UNC13C: variants seen among roughly 807,000 people sequenced by gnomAD.
UNC13C encodes the protein protein unc-13 homolog C.
UNC13C carries 174 observed loss-of-function variants against 245.4 expected under a neutral mutation model. That is an observed-to-expected ratio of 0.71 (90% CI 0.63 to 0.80). The LOEUF (loss-of-function observed/expected upper bound fraction) is 0.80, where lower values mean the gene tolerates loss of function less well. Among genes scored for constraint, UNC13C ranks in the 30% least tolerant of loss-of-function variants. The probability of loss-of-function intolerance (pLI) is 0.00; values close to 1 mark genes in which losing one functional copy is unlikely to be tolerated. For missense variants in UNC13C, 2,829 were observed against 2,602.9 expected (o/e 1.09, Z -1.89); for synonymous variants, 992 against 895.1 (o/e 1.11, Z -1.93).
At chr15:53,904,042 C>G in the UNC13C span, among the ~76,000 whole-genome samples, 91 of 152,142 alleles carry the variant, frequency 6.0e-4, no homozygotes, top group African/African-American at 2.2e-3. Flanking sequence ...TCACACACAC[C>G]TAATAATTTT....
rs553697431 is a variant in UNC13C at position 54,213,239 on chromosome 15, C to T, written c.3072-21791C>T. ...TATAAATATATATAATTATTATTTGCCACTTTAAAACTTTTAAAAATGAAA... is the reference window on the plus strand; with the variant it reads ...TATAAATATATATAATTATTATTTGTCACTTTAAAACTTTTAAAAATGAAA... On this transcript the variant is annotated intron_variant, in intron 4 of 32. Transcript: ENST00000260323. 1.5e-3 allele frequency among the ~76,000 whole-genome samples: 232 copies of T among 151,860 alleles called. 5 individuals are homozygous for T. The highest frequency in any genetic ancestry group is 0.014 in the Admixed American group (216 of 15,184).
At chr15:54,052,300 T>A in intron 2 of UNC13C, among the ~76,000 whole-genome samples, 1 of 139,894 alleles carries the variant, frequency 7.1e-6, no homozygotes, top group Non-Finnish European at 1.5e-5. Context: ...CTGGGTCAAA[T>A]GGTATTTGTA....
intron 1 of UNC13C, among the ~76,000 whole-genome samples, chr15:54,002,348 G>T (rs191557739): frequency 4.0e-5 from 6 of 151,872 alleles, no homozygotes; most frequent in Non-Finnish European, 5.9e-5. Context: ...AGTAAGTCTC[G>T]AGTAAGTCGC....
intron 8 of UNC13C, among the ~76,000 whole-genome samples, chr15:54,259,694 A>C (rs917403066): frequency 2.0e-5 from 3 of 150,832 alleles, no homozygotes; most frequent in Non-Finnish European, 2.9e-5. Context: ...CTTATTTAAA[A>C]GTGATACTCT....
chr15:53,993,363 G>C (rs540078658), intron 1 of UNC13C, among the ~76,000 whole-genome samples: 1 of 152,214 alleles, frequency 6.6e-6, no homozygotes, highest in Non-Finnish European at 1.5e-5. Context: ...CAGCAGAAGA[G>C]AGAGAATGAG....
the UNC13C span, among the ~76,000 whole-genome samples, chr15:53,880,840 A>G: frequency 6.6e-6 from 1 of 152,148 alleles, no homozygotes; most frequent in Non-Finnish European, 1.5e-5. Context: ...CTCCTTACAG[A>G]ATACCCAAGT....
At chr15:54,038,146 G>A (rs1334771624) in intron 2 of UNC13C, among the ~76,000 whole-genome samples, 5 of 15,172 alleles carry the variant, frequency 3.3e-4, no homozygotes, top group Non-Finnish European at 5.9e-4. Context: ...TTTTTCCTGA[G>A]ACAGAGTCTG....
the UNC13C span, among the ~76,000 whole-genome samples, chr15:53,918,411 A>C: frequency 6.6e-6 from 1 of 152,168 alleles, no homozygotes; most frequent in African/African-American, 2.4e-5. Flanking sequence ...GCTTGTTAAC[A>C]GTCTCTTTGG....
intron 20 of UNC13C, among the ~76,000 whole-genome samples, chr15:54,495,968 G>T (rs1002686576): frequency 2.6e-5 from 4 of 151,978 alleles, no homozygotes; most frequent in African/African-American, 9.7e-5. Flanking sequence ...CAACATTTTA[G>T]TTAAGTAGGA....
At chr15:54,051,868 G>A (rs1358294339) in intron 2 of UNC13C, among the ~76,000 whole-genome samples, 25 of 142,032 alleles carry the variant, frequency 1.8e-4, no homozygotes, top group Admixed American at 5.0e-4. Context: ...CCACTAACTC[G>A]TCATCTAGCA....
At chr15:54,260,624 TACAC>T (rs1011152780) in intron 8 of UNC13C, among the ~76,000 whole-genome samples, 14 of 148,346 alleles carry the variant, frequency 9.4e-5, no homozygotes, top group East Asian at 3.9e-4. Flanking sequence ...TGTATATACA[TACAC>T]ACACCTGTAG....
intron 2 of UNC13C, among the ~76,000 whole-genome samples, chr15:54,033,524 A>T (rs966972786): frequency 6.6e-6 from 1 of 152,268 alleles, no homozygotes; most frequent in African/African-American, 2.4e-5. Context: ...GCAAAATTTT[A>T]TATACACACA....
At chr15:54,607,625 A>G (rs565093122) in intron 30 of UNC13C, among the ~76,000 whole-genome samples, 4 of 152,330 alleles carry the variant, frequency 2.6e-5, no homozygotes, top group African/African-American at 9.6e-5. Context: ...AAAGAGGGTT[A>G]ATTGACTCAG....
chr15:54,632,198 T>C (rs373428481), downstream of UNC13C: 8 of 152,338 alleles, frequency 5.3e-5, no homozygotes, highest in South Asian at 6.2e-4. Flanking sequence ...ATTGTTGAGT[T>C]TGGGGACATA....
chr15:54,151,283 C>G (rs1454108929), intron 4 of UNC13C, among the ~76,000 whole-genome samples: 1 of 152,132 alleles, frequency 6.6e-6, no homozygotes, highest in Non-Finnish European at 1.5e-5. Context: ...AAGTTATTCC[C>G]CCAAATCACA....
intron 10 of UNC13C, among the ~76,000 whole-genome samples, chr15:54,279,141 T>C (rs1381214233): frequency 2.6e-5 from 4 of 152,204 alleles, no homozygotes; most frequent in East Asian, 1.9e-4. Context: ...TGACAGGTGT[T>C]GCCAAGTGTT....
At position 53,978,611 on chromosome 15, in the gene UNC13C, G is replaced by C. The variant is rs1360400721; in HGVS notation, c.-573G>C. 6.6e-6 allele frequency among the ~76,000 whole-genome samples: 1 copy of C among 152,134 alleles called. No homozygotes were observed. Among genetic ancestry groups the C allele is most frequent in the Non-Finnish European group, 1.5e-5 (1 of 68,020 alleles). On this transcript the variant is annotated 5_prime_UTR_variant, in exon 1 of 33. Transcript: ENST00000260323. ...AGAAATGAGCCGCGGAAGGTATTTG[G>C]CAATGAGAAGAGTGAAAGGCAGTTT...
intron 23 of UNC13C, among the ~76,000 whole-genome samples, chr15:54,508,535 A>G (rs1894586190): frequency 1.3e-5 from 2 of 152,138 alleles, no homozygotes; most frequent in Non-Finnish European, 2.9e-5. Context: ...AAAGAAACAA[A>G]AGCCCTCCAA....
chr15:53,872,472 T>G, the UNC13C span, among the ~76,000 whole-genome samples: 1 of 152,196 alleles, frequency 6.6e-6, no homozygotes, highest in Non-Finnish European at 1.5e-5. Flanking sequence ...CTCCCTAGAT[T>G]TAGATGGTTG....
Sources: allele counts gnomAD v4.1 joint callset (sites outside exome capture counted in the v4.1 genomes callset), GRCh38; gene constraint gnomAD v4.1.1; transcripts MANE v1.5; gene names NCBI Gene and HGNC (gene_info 2026-07-23, HGNC 2026-07-21).